The following SMOC1 variants were observed in gnomAD, a reference collection of about 807,000 sequenced individuals.
SMOC1 encodes SPARC related modular calcium binding 1, also known as SPARC-related modular calcium-binding protein 1.
In SMOC1, 22 loss-of-function variants were observed where a neutral mutation model predicts 56.3. The ratio of observed to expected loss-of-function variants is 0.39; its 90% CI spans 0.28 to 0.56. The LOEUF (loss-of-function observed/expected upper bound fraction) is 0.56, where lower values mean the gene tolerates loss of function less well. Ranked by LOEUF, SMOC1 falls within the 20% of genes least tolerant of loss-of-function variation. The pLI is 0.61. For missense variants in SMOC1, 509 were observed against 565.4 expected, an observed-to-expected ratio of 0.90 and a Z score of 1.01; for synonymous variants, 193 against 215.0, an observed-to-expected ratio of 0.90 and a Z score of 0.89.
At chr14:70,026,903 GT>G (rs1206224070) in intron 11 of SMOC1, among the ~76,000 whole-genome samples, 1 of 151,802 alleles carries the variant, frequency 6.6e-6, no homozygotes, top group Non-Finnish European at 1.5e-5. Context: ...GCATATGTCT[GT>G]GTATGTCTGT....
chr14:69,924,487 G>A (rs758166819), intron 1 of SMOC1, among the ~76,000 whole-genome samples: 8 of 152,046 alleles, frequency 5.3e-5, no homozygotes, highest in South Asian at 2.1e-4. Flanking sequence ...CCCACATTCC[G>A]TAATGGGAAA....
chr14:69,896,147 A>C (rs539113918), intron 1 of SMOC1, among the ~76,000 whole-genome samples: 1 of 152,300 alleles, frequency 6.6e-6, no homozygotes, highest in South Asian at 2.1e-4. Context: ...CTTGGTCCCC[A>C]GTGTGTACCT....
intron 4 of SMOC1, among the ~76,000 whole-genome samples, chr14:69,976,358 T>G (rs2139504705): frequency 1.3e-5 from 2 of 152,288 alleles, no homozygotes; most frequent in Admixed American, 1.3e-4. Flanking sequence ...TCTGGGAAAT[T>G]AAAGAGAACC....
intron 1 of SMOC1, among the ~76,000 whole-genome samples, chr14:69,930,343 A>G (rs557279930): frequency 6.6e-6 from 1 of 152,096 alleles, no homozygotes; most frequent in Non-Finnish European, 1.5e-5. Context: ...AGAGGTCTGT[A>G]GGGGCACTTG....
chr14:70,005,370 G>T (rs1378635385), intron 7 of SMOC1, among the ~76,000 whole-genome samples: 1 of 152,176 alleles, frequency 6.6e-6, no homozygotes, highest in Non-Finnish European at 1.5e-5. Flanking sequence ...TGTGCTCCAG[G>T]CTTATCCTCT....
At chr14:70,017,647 T>A (rs1885565972) in intron 10 of SMOC1, among the ~76,000 whole-genome samples, 1 of 152,208 alleles carries the variant, frequency 6.6e-6, no homozygotes, top group African/African-American at 2.4e-5. Context: ...GTCTACTTCC[T>A]GTCAGGCATG....
intron 1 of SMOC1, among the ~76,000 whole-genome samples, chr14:69,883,254 T>C (rs1202768882): frequency 6.6e-6 from 1 of 152,210 alleles, no homozygotes; most frequent in Non-Finnish European, 1.5e-5. Flanking sequence ...TATAATTATG[T>C]ACCCTTTGAC....
rs533594394 is a variant in SMOC1 at position 69,935,684 on chromosome 14, G to T, written c.100-16454G>T. ...TGCTACATGTGGGTGGCAGCACGGG[G>T]GTGGTTGTGCTTTGGTGTATCCCCA... On this transcript the variant is annotated intron_variant, in intron 1 of 11. Transcript: ENST00000361956. 4.6e-5 allele frequency among the ~76,000 whole-genome samples: 7 copies of T among 152,338 alleles called. No individual in the cohort carries two copies. In the East Asian group the frequency reaches 1.2e-3, roughly 25 times the overall value.
intron 3 of SMOC1, among the ~76,000 whole-genome samples, chr14:69,954,029 A>G (rs1284395845): frequency 7.7e-6 from 1 of 130,348 alleles, no homozygotes; most frequent in Non-Finnish European, 1.6e-5. Context: ...GTGTGTGTAT[A>G]CACATACAGG....
At chr14:69,929,635 A>G (rs570820937) in intron 1 of SMOC1, among the ~76,000 whole-genome samples, 9 of 152,308 alleles carry the variant, frequency 5.9e-5, no homozygotes, top group Non-Finnish European at 1.2e-4. Context: ...CCTGGGGCTC[A>G]GGGAAGCCAG....
chr14:69,898,710 A>C (rs758801981), intron 1 of SMOC1, among the ~76,000 whole-genome samples: 1 of 152,132 alleles, frequency 6.6e-6, no homozygotes, highest in Non-Finnish European at 1.5e-5. Flanking sequence ...TTTCCATTAG[A>C]GCCCTTAGCA....
chr14:69,951,064 T>C (rs1882978240), intron 1 of SMOC1, among the ~76,000 whole-genome samples: 1 of 152,226 alleles, frequency 6.6e-6, no homozygotes, highest in South Asian at 2.1e-4. Context: ...CATGTCTCTG[T>C]GCCTGGGTTG....
intron 1 of SMOC1, among the ~76,000 whole-genome samples, chr14:69,927,625 A>G (rs909149302): frequency 6.6e-6 from 1 of 152,164 alleles, no homozygotes; most frequent in African/African-American, 2.4e-5. Context: ...GCAGTGAGCC[A>G]AGATTGCGCC....
At chr14:69,926,859 AG>A (rs1288588911) in intron 1 of SMOC1, among the ~76,000 whole-genome samples, 1 of 152,222 alleles carries the variant, frequency 6.6e-6, no homozygotes, top group Non-Finnish European at 1.5e-5. Flanking sequence ...GGTGACCTTG[AG>A]GAAGTCACTT....
intron 10 of SMOC1, among the ~76,000 whole-genome samples, chr14:70,015,403 G>A (rs1231857317): frequency 2.6e-5 from 4 of 151,948 alleles, no homozygotes; most frequent in Admixed American, 2.6e-4. Context: ...TTAGATGTTT[G>A]TTAACAGGCT....
rs369482067 is a variant in SMOC1 at position 69,912,490 on chromosome 14, A to C, written c.99+32713A>C. Among the ~76,000 whole-genome samples the C allele has an allele frequency of 1.0e-3, 152 of 152,318 alleles. 4 individuals carry two copies. The South Asian group carries it at 0.031, about 31-fold the overall frequency. On this transcript the variant is annotated intron_variant, in intron 1 of 11. Transcript: ENST00000361956. Reference sequence around the variant, plus strand: ...CGGTCTCTAACTACTGGCCTCATGCAGTCCTCCCGTGTTCAGCCTCCTAAA... The same window carrying C: ...CGGTCTCTAACTACTGGCCTCATGCCGTCCTCCCGTGTTCAGCCTCCTAAA...
intron 3 of SMOC1, among the ~76,000 whole-genome samples, chr14:69,970,455 G>T (rs1418703712): frequency 6.6e-6 from 1 of 152,114 alleles, no homozygotes; most frequent in African/African-American, 2.4e-5. Flanking sequence ...CTTGGATATT[G>T]GGATTCCAAT....
intron 10 of SMOC1, among the ~76,000 whole-genome samples, chr14:70,014,330 A>G (rs1375664802): frequency 1.3e-5 from 2 of 152,256 alleles, no homozygotes; most frequent in East Asian, 3.8e-4. Context: ...TGGAGGAGTC[A>G]GAGCAGGCTT....
At chr14:69,963,305 CATG>C (rs1883451099) in intron 3 of SMOC1, among the ~76,000 whole-genome samples, 1 of 151,856 alleles carries the variant, frequency 6.6e-6, no homozygotes, top group Admixed American at 6.6e-5. Flanking sequence ...GTACCCTTGG[CATG>C]ATATTTGTAA....
Sources: gnomAD v4.1 joint callset for allele counts (sites outside exome capture counted in the v4.1 genomes callset) on GRCh38, gnomAD v4.1.1 for gene constraint, MANE v1.5 for transcripts, NCBI Gene and HGNC (gene_info 2026-07-23, HGNC 2026-07-21) for gene names.